Variants in F11 observed in about 807,000 individuals in gnomAD.
F11 encodes coagulation factor XI, also known as coagualtion factor XI.
F11 carries 78 observed loss-of-function variants against 76.5 expected under a neutral mutation model. The observed-to-expected ratio is 1.02, with a 90% confidence interval of 0.85 to 1.23. The LOEUF is 1.23. Ranked by LOEUF, F11 falls within the 50% of genes most tolerant of loss-of-function variation. The pLI is 0.00. For missense variants in F11, 742 were observed against 771.4 expected (o/e 0.96, Z 0.45); for synonymous variants, 278 against 276.3 (o/e 1.01, Z -0.06).
intron 13 of F11, 93 bp from the exon 14 acceptor site, chr4:186,287,591 A>AAAATAT (rs1554083993): frequency 1.6e-5 from 7 of 424,536 alleles, no homozygotes; most frequent in Non-Finnish European, 1.4e-5. Flanking sequence ...CTCAATTAAA[A>AAAATAT]ATATATATAT....
At position 186,289,459 on chromosome 4, in the gene F11, A is replaced by G. The variant is rs1167955086; in HGVS notation, c.*845A>G. ...GTATATTTATTTGACAAAAATCACC[A>G]TAGACTGCATCCATACTACAGAGAA... On this transcript the variant is annotated 3_prime_UTR_variant, in exon 15 of 15. Transcript: ENST00000403665. 6.6e-6 allele frequency among the ~76,000 whole-genome samples: 1 copy of G among 152,200 alleles called. No individual in the cohort carries two copies. Among genetic ancestry groups the G allele is most frequent in the African/African-American group, 2.4e-5 (1 of 41,454 alleles).
Position 186,271,636 on chromosome 4 carries a change from C to A in F11, c.83C>A (p.Thr28Asn). 1 of 1,614,134 alleles carries A rather than the reference C, an allele frequency of 6.2e-7. No individual in the cohort carries two copies. The highest frequency in any genetic ancestry group is 8.5e-7 in the Non-Finnish European group (1 of 1,180,016). ...TGTGTGACTCAGTTGTTGAAGGACACCTGCTTTGAAGGAGGGGACATTACT... is the reference window on the plus strand; with the variant it reads ...TGTGTGACTCAGTTGTTGAAGGACAACTGCTTTGAAGGAGGGGACATTACT... The part of the protein sequence containing the change: ...GECVTQLLKD[T>N]CFEGGDITTV... The change falls in exon 3 of 15, where the codon ACC (threonine) becomes AAC (asparagine). Residue 28 changes from threonine (T) to asparagine (N), a missense_variant. Thr to Asn is a moderately conservative substitution (Grantham distance 65). Transcript: ENST00000403665.
At chr4:186,285,083 G>A (rs2126776970) in intron 11 of F11, among the ~76,000 whole-genome samples, 1 of 152,256 alleles carries the variant, frequency 6.6e-6, no homozygotes, top group Middle Eastern at 3.4e-3. Context: ...AAGTTAAGTT[G>A]GCCAAACTTT....
chr4:186,288,076 T>TG (rs548880232), intron 14 of F11, among the ~76,000 whole-genome samples: 2 of 99,318 alleles, frequency 2.0e-5, no homozygotes, highest in Non-Finnish European at 4.5e-5. Flanking sequence ...AGCTAGCGTC[T>TG]TTTTTTTTTT....
At position 186,288,557 on chromosome 4, in the gene F11, T is replaced by C. The variant is rs1218187211; in HGVS notation, c.1821T>C (p.Val607=). ...EGCAQRERPG[V]YTNVVEYVDW... ...GTGCTCAAAGGGAGCGGCCAGGTGT[T>C]TACACCAACGTGGTCGAGTACGTGG... Residue 607 remains valine, a synonymous_variant, in exon 15 of 15, where the codon GTT becomes GTC. Coordinates refer to ENST00000403665, the MANE Select transcript of F11 (RefSeq NM_000128.4). 1.2e-6 allele frequency: 2 copies of C among 1,613,998 alleles called. No homozygotes were observed. The highest frequency in any genetic ancestry group is 1.3e-5 in the African/African-American group (1 of 74,902).
rs1329759378 is a variant in F11 at position 186,280,139 on chromosome 4, C to T, written c.865+18C>T. On this transcript the variant is annotated intron_variant, in intron 8 of 14. Transcript: ENST00000403665. Reference sequence around the variant, plus strand: ...CATCCCAGGTAAACTGAGAGTTCTGCATTCTGGCTGAGAGTGACCAGCCCC... The same window carrying T: ...CATCCCAGGTAAACTGAGAGTTCTGTATTCTGGCTGAGAGTGACCAGCCCC... 6.2e-7 allele frequency: 1 copy of T among 1,613,594 alleles called. No individual in the cohort carries two copies. The highest frequency in any genetic ancestry group is 2.2e-5 in the East Asian group (1 of 44,898).
chr4:186,275,124 G>C (rs1740264346), intron 5 of F11: 2 of 456,454 alleles, frequency 4.4e-6, no homozygotes, highest in African/African-American at 4.0e-5. Context: ...TTATGTCTAA[G>C]ACTTAACAGA....
At chr4:186,271,506 C>G in intron 2 of F11, 103 bp from the exon 3 acceptor site, 1 of 1,273,812 alleles carries the variant, frequency 7.9e-7, no homozygotes, top group South Asian at 1.2e-5. Context: ...AGGCGTATTT[C>G]CTGGTAAGTA....
Position 186,271,637 on chromosome 4 carries a change from C to A in F11, c.84C>A (p.Thr28=). 2 of 1,614,104 alleles carry A rather than the reference C, an allele frequency of 1.2e-6. No homozygotes were observed. Among genetic ancestry groups the A allele is most frequent in the Non-Finnish European group, 8.5e-7 (1 of 1,180,016 alleles). The change falls in exon 3 of 15, where the codon ACC becomes ACA. Residue 28 remains threonine, a synonymous_variant. Transcript: ENST00000403665. ...GECVTQLLKD[T]CFEGGDITTV... ...GTGTGACTCAGTTGTTGAAGGACAC[C>A]TGCTTTGAAGGAGGGGACATTACTA...
At chr4:186,282,760 G>C (rs1041117648) in intron 10 of F11, 3 of 985,306 alleles carry the variant, frequency 3.0e-6, no homozygotes, top group Non-Finnish European at 3.6e-6. Flanking sequence ...TCTAAAATGA[G>C]AGCCTCTGTT....
intron 2 of F11, among the ~76,000 whole-genome samples, chr4:186,268,206 C>T (rs567249387): frequency 6.6e-6 from 1 of 152,188 alleles, no homozygotes; most frequent in African/African-American, 2.4e-5. Context: ...CGAAACAACA[C>T]AGTATAACAA....
intron 10 of F11, among the ~76,000 whole-genome samples, chr4:186,281,773 C>G (rs1580093389): frequency 6.6e-6 from 1 of 152,136 alleles, no homozygotes; most frequent in Non-Finnish European, 1.5e-5. Context: ...ACAATCCTGC[C>G]TCGTGATAGT....
At chr4:186,276,138 A>T in intron 6 of F11, 93 bp from the exon 7 acceptor site, 1 of 1,458,056 alleles carries the variant, frequency 6.9e-7, no homozygotes, top group Non-Finnish European at 9.5e-7. Flanking sequence ...GGATACACTT[A>T]AATTTTTTAA....
chr4:186,272,968 A>G, intron 3 of F11, 103 bp from the exon 4 acceptor site: 1 of 738,468 alleles, frequency 1.4e-6, no homozygotes, highest in East Asian at 2.7e-5. Flanking sequence ...GAGATAAAGT[A>G]GTTTGTTTCC....
At chr4:186,286,547 A>T in intron 13 of F11, 37 bp downstream of exon 13, 1 of 1,610,922 alleles carries the variant, frequency 6.2e-7, no homozygotes, top group Non-Finnish European at 8.5e-7. Context: ...CCATCCTAGA[A>T]ATGAAGAGCG....
chr4:186,283,747 T>C (rs1740967765), intron 10 of F11, among the ~76,000 whole-genome samples: 1 of 152,224 alleles, frequency 6.6e-6, no homozygotes, highest in African/African-American at 2.4e-5. Flanking sequence ...AGAATGTGCA[T>C]TTCTAACACG....
At chr4:186,287,913 GT>G (rs938271244) in intron 14 of F11, 90 bp downstream of exon 14, 164 of 1,452,602 alleles carry the variant, frequency 1.1e-4, no homozygotes, top group African/African-American at 1.7e-4. Flanking sequence ...TTTTTTGTTT[GT>G]TTTTTTTTGA....
In F11 at chr4:186,289,664, T is replaced by C. The variant is rs899502162; in HGVS notation, c.*1050T>C. On this transcript the variant is annotated 3_prime_UTR_variant, in exon 15 of 15. Coordinates refer to ENST00000403665, the MANE Select transcript of F11 (RefSeq NM_000128.4). ...AGCTTTCAATCTGTGCCAACAACTA[T>C]ACAATTCATCAAGTGTGATTTTTTT... Among the ~76,000 whole-genome samples, 1 of 149,702 alleles carries C rather than the reference T, an allele frequency of 6.7e-6. No individual in the cohort carries two copies. Among genetic ancestry groups the C allele is most frequent in the Non-Finnish European group, 1.5e-5 (1 of 67,844 alleles).
chr4:186,281,908 CCTAA>C, intron 10 of F11: 1 of 1,256,648 alleles, frequency 8.0e-7, no homozygotes, highest in Non-Finnish European at 1.0e-6. Context: ...ACACTGGTAT[CCTAA>C]CTAACAGACT....
Sources: gnomAD v4.1 joint callset for allele counts (sites outside exome capture counted in the v4.1 genomes callset) on GRCh38, gnomAD v4.1.1 for gene constraint, MANE v1.5 for transcripts, NCBI Gene and HGNC (gene_info 2026-07-23, HGNC 2026-07-21) for gene names.